Variants in FBXL13 observed in about 807,000 individuals in gnomAD.
FBXL13 encodes the protein F-box and leucine rich repeat protein 13, also known as F-box and leucine-rich repeat protein 13.
A neutral mutation model predicts 83.6 loss-of-function variants in FBXL13; 67 were observed. That is an observed-to-expected ratio of 0.80 (90% CI 0.66 to 0.98). The LOEUF (loss-of-function observed/expected upper bound fraction) is 0.98, where lower values mean the gene tolerates loss of function less well. Ranked by LOEUF, FBXL13 falls within the 50% of genes least tolerant of loss-of-function variation. The pLI, the probability that FBXL13 is intolerant of heterozygous loss-of-function variation, is 0.00. For missense variants in FBXL13, 822 were observed against 866.5 expected, an observed-to-expected ratio of 0.95 and a Z score of 0.64; for synonymous variants, 272 against 299.5, an observed-to-expected ratio of 0.91 and a Z score of 0.95.
At chr7:102,898,307 G>A (rs1479997072) in intron 11 of FBXL13, among the ~76,000 whole-genome samples, 1 of 152,026 alleles carries the variant, frequency 6.6e-6, no homozygotes, top group Non-Finnish European at 1.5e-5. Flanking sequence ...CAAAAGCAAC[G>A]TACATGAATG....
chr7:103,028,627 T>C (rs761115305), exon 4 of FBXL13: 14 of 1,593,934 alleles, frequency 8.8e-6, no homozygotes, highest in African/African-American at 2.7e-5. Context: ...TGGTCTTCCA[T>C]ATAAGAGTGC....
At chr7:102,934,114 T>C in intron 8 of FBXL13, 2 of 1,614,064 alleles carry the variant, frequency 1.2e-6, no homozygotes, top group South Asian at 2.2e-5. Flanking sequence ...ACTTAGATTG[T>C]CAAGAAAGAA....
intron 8 of FBXL13, among the ~76,000 whole-genome samples, chr7:102,963,256 G>C (rs999935247): frequency 1.3e-5 from 2 of 151,508 alleles, no homozygotes; most frequent in East Asian, 3.9e-4. Flanking sequence ...AGGAGCCGGA[G>C]GTTACAGTGA....
At chr7:102,995,013 TC>T (rs1173313075) in intron 6 of FBXL13, among the ~76,000 whole-genome samples, 1 of 152,172 alleles carries the variant, frequency 6.6e-6, no homozygotes, top group Non-Finnish European at 1.5e-5. Flanking sequence ...ATTTCTCAGA[TC>T]CACAGCTGTC....
chr7:102,938,643 A>G (rs763557618), intron 8 of FBXL13, among the ~76,000 whole-genome samples: 3 of 152,214 alleles, frequency 2.0e-5, no homozygotes, highest in Non-Finnish European at 4.4e-5. Flanking sequence ...AAATAGGGGC[A>G]TTGATCAAAT....
chr7:102,993,706 C>T (rs1433315940), intron 6 of FBXL13, among the ~76,000 whole-genome samples: 3 of 152,112 alleles, frequency 2.0e-5, no homozygotes, highest in Non-Finnish European at 4.4e-5. Flanking sequence ...ATGAGCCCTA[C>T]CATCTGCTAA....
chr7:103,001,822 C>T (rs1259771135), intron 6 of FBXL13, among the ~76,000 whole-genome samples: 1 of 152,200 alleles, frequency 6.6e-6, no homozygotes, highest in Non-Finnish European at 1.5e-5. Context: ...GCTGTACTGT[C>T]AGCTTCCCTA....
intron 8 of FBXL13, among the ~76,000 whole-genome samples, chr7:102,948,800 C>T (rs1324275453): frequency 1.3e-5 from 2 of 152,002 alleles, no homozygotes; most frequent in African/African-American, 4.8e-5. Context: ...TAACCTCCAT[C>T]TCATGGGTTC....
At chr7:103,021,606 G>A (rs551173614) in intron 6 of FBXL13, among the ~76,000 whole-genome samples, 3 of 152,084 alleles carry the variant, frequency 2.0e-5, no homozygotes, top group Non-Finnish European at 4.4e-5. Context: ...CTAATATCCA[G>A]AATCTACAAA....
chr7:103,039,343 C>A (rs1167730157), intron 2 of FBXL13, among the ~76,000 whole-genome samples: 1 of 152,164 alleles, frequency 6.6e-6, no homozygotes, highest in Non-Finnish European at 1.5e-5. Flanking sequence ...AATAAATATA[C>A]ATTTGATTGG....
intron 6 of FBXL13, among the ~76,000 whole-genome samples, chr7:102,982,940 T>C (rs1278265478): frequency 2.6e-5 from 4 of 152,230 alleles, no homozygotes. Context: ...TCCAACTTTA[T>C]CTTCTTTCTA....
intron 1 of FBXL13, among the ~76,000 whole-genome samples, chr7:103,060,326 A>G (rs2129498633): frequency 6.6e-6 from 1 of 152,096 alleles, no homozygotes; most frequent in African/African-American, 2.4e-5. Context: ...AAGTGCTGGG[A>G]TTACAGGCAT....
chr7:103,057,407 T>C (rs369506745), intron 1 of FBXL13, among the ~76,000 whole-genome samples: 87 of 89,948 alleles, frequency 9.7e-4, no homozygotes, highest in African/African-American at 2.6e-3. Flanking sequence ...GAGAAACTCA[T>C]TGGGGTTGGG....
chr7:103,004,188 A>G (rs1790726846), intron 6 of FBXL13, among the ~76,000 whole-genome samples: 1 of 152,128 alleles, frequency 6.6e-6, no homozygotes, highest in Non-Finnish European at 1.5e-5. Context: ...TGCTTTTTCT[A>G]AGATATGGTT....
exon 1 of FBXL13, chr7:103,074,408 C>G (rs1338869225): frequency 2.8e-6 from 3 of 1,079,216 alleles, no homozygotes; most frequent in East Asian, 1.3e-4. Flanking sequence ...ACCTTAAAAT[C>G]TGAGTTTGGG....
chr7:103,000,589 G>A (rs1037866210), intron 6 of FBXL13, among the ~76,000 whole-genome samples: 1 of 152,184 alleles, frequency 6.6e-6, no homozygotes, highest in African/African-American at 2.4e-5. Context: ...TTCTGTAAAT[G>A]TCAGTTAGGT....
chr7:103,061,193 T>C (rs1484472197), intron 1 of FBXL13, among the ~76,000 whole-genome samples: 3 of 151,992 alleles, frequency 2.0e-5, no homozygotes, highest in African/African-American at 4.8e-5. Flanking sequence ...TTTTTGTTTT[T>C]TTCTTTTTTG....
At chr7:103,039,355 G>A (rs1174788623) in intron 2 of FBXL13, among the ~76,000 whole-genome samples, 1 of 152,204 alleles carries the variant, frequency 6.6e-6, no homozygotes, top group African/African-American at 2.4e-5. Context: ...TTTGATTGGT[G>A]TACTGGAAAG....
intron 8 of FBXL13, among the ~76,000 whole-genome samples, chr7:102,945,982 A>C (rs1822413996): frequency 6.6e-6 from 1 of 152,150 alleles, no homozygotes; most frequent in South Asian, 2.1e-4. Flanking sequence ...TCCGGGTTCA[A>C]GCGATTCTCC....
Sources: allele counts gnomAD v4.1 joint callset (sites outside exome capture counted in the v4.1 genomes callset), GRCh38; gene constraint gnomAD v4.1.1; transcripts MANE v1.5; gene names NCBI Gene and HGNC (gene_info 2026-07-23, HGNC 2026-07-21).